Variants in PAGE2B observed in about 807,000 individuals in gnomAD.
PAGE2B encodes the protein PAGE family member 2B, also known as putative G antigen family E member 3.
A neutral mutation model predicts 7.6 loss-of-function variants in PAGE2B; 5 were observed. The ratio of observed to expected loss-of-function variants is 0.66; its 90% CI spans 0.34 to 1.38. PAGE2B has a LOEUF of 1.38. PAGE2B is among the 40% of genes most tolerant of loss of function. The probability of loss-of-function intolerance (pLI) is 0.04; values close to 1 mark genes in which losing one functional copy is unlikely to be tolerated. For synonymous variants in PAGE2B, 29 were observed against 26.7 expected, an observed-to-expected ratio of 1.09 and a Z score of -0.27; for missense variants, 70 against 78.4, an observed-to-expected ratio of 0.89 and a Z score of 0.41.
At chrX:55,060,961 T>C in the PAGE2B span, among the ~76,000 whole-genome samples, 1 of 110,902 alleles carries the variant, frequency 9.0e-6, no homozygotes, top group African/African-American at 3.3e-5. Context: ...ACAAGGAAAC[T>C]CAGACAGAAA....
the PAGE2B span, among the ~76,000 whole-genome samples, chrX:55,037,861 T>C: frequency 1.2e-5 from 1 of 84,102 alleles, no homozygotes; most frequent in Middle Eastern, 7.6e-3. Context: ...TGAGAACACA[T>C]GGACACAGGA....
chrX:55,042,536 C>T, the PAGE2B span, among the ~76,000 whole-genome samples: 9 of 103,971 alleles, frequency 8.7e-5, no homozygotes, highest in Non-Finnish European at 1.6e-4. Flanking sequence ...CGCCTGTAGT[C>T]CCAGCTACTT....
At chrX:55,044,289 C>T in the PAGE2B span, among the ~76,000 whole-genome samples, 3 of 111,543 alleles carry the variant, frequency 2.7e-5, no homozygotes, top group Non-Finnish European at 5.6e-5. Context: ...GAATACTACT[C>T]AGCCATAAAA....
the PAGE2B span, chrX:55,055,550 A>G: frequency 2.7e-5 from 3 of 112,516 alleles, no homozygotes; most frequent in Non-Finnish European, 3.8e-5. Flanking sequence ...TCTTCTTTGC[A>G]TTCTTTGTCA....
chrX:55,047,825 T>A, the PAGE2B span, among the ~76,000 whole-genome samples: 7 of 112,275 alleles, frequency 6.2e-5, no homozygotes, highest in Non-Finnish European at 1.1e-4. Flanking sequence ...TTGAATTAGA[T>A]CCCATTTGTC....
At chrX:55,040,405 C>G in the PAGE2B span, among the ~76,000 whole-genome samples, 1 of 110,601 alleles carries the variant, frequency 9.0e-6, no homozygotes, top group Admixed American at 9.7e-5. Context: ...GTTTTCTGTC[C>G]TTGTGATAGT....
chrX:55,076,390 A>G (rs113689791), intron 2 of PAGE2B, among the ~76,000 whole-genome samples, 179 bp from the exon 3 acceptor site: 1 of 103,714 alleles, frequency 9.6e-6, no homozygotes, highest in Non-Finnish European at 1.9e-5. Context: ...ATGTATGTAT[A>G]TATGTATGTG....
chrX:55,035,768 C>G, the PAGE2B span, among the ~76,000 whole-genome samples: 1 of 112,047 alleles, frequency 8.9e-6, no homozygotes, highest in East Asian at 2.8e-4. Context: ...ATAATATCTA[C>G]TTTATAGTGT....
the PAGE2B span, among the ~76,000 whole-genome samples, chrX:55,062,167 C>A: frequency 9.0e-6 from 1 of 111,416 alleles, no homozygotes; most frequent in Non-Finnish European, 1.9e-5. Flanking sequence ...TCTTGAGGAA[C>A]CTCCAAACTG....
chrX:55,048,241 A>C, the PAGE2B span, among the ~76,000 whole-genome samples: 9 of 111,489 alleles, frequency 8.1e-5, no homozygotes, highest in African/African-American at 3.0e-4. Flanking sequence ...GTTTGAAGTC[A>C]GGTAGCGTGA....
At chrX:55,034,728 A>G in the PAGE2B span, among the ~76,000 whole-genome samples, 1 of 106,813 alleles carries the variant, frequency 9.4e-6, no homozygotes, top group Non-Finnish European at 1.9e-5. Flanking sequence ...GACAGAACTA[A>G]TAGGAGACAC....
At chrX:55,036,165 T>C in the PAGE2B span, among the ~76,000 whole-genome samples, 1 of 112,388 alleles carries the variant, frequency 8.9e-6, no homozygotes, top group African/African-American at 3.2e-5. Flanking sequence ...TCTGAGACTT[T>C]GCTGAAGTTG....
Position 55,075,484 on chromosome X carries a change from C to T in PAGE2B, c.-9+370C>T, listed in dbSNP as rs3813925. Among the ~76,000 whole-genome samples the T allele has an allele frequency of 3.0e-3, 334 of 111,001 alleles. 7 individuals carry two copies. In the East Asian group the frequency reaches 0.068, roughly 22 times the overall value. On this transcript the variant is annotated intron_variant, in intron 1 of 4. Coordinates refer to ENST00000374971, the MANE Select transcript of PAGE2B (RefSeq NM_001015038.3). ...ACCATGTGGTCAGTAAGGAAGGGGC[C>T]TGGGAACTGGGAACGCTGTGGGCCG...
chrX:55,059,887 T>G, the PAGE2B span, among the ~76,000 whole-genome samples: 1 of 111,652 alleles, frequency 9.0e-6, no homozygotes, highest in Non-Finnish European at 1.9e-5. Context: ...TTTCTGTGTC[T>G]GGTTTACTTC....
the PAGE2B span, among the ~76,000 whole-genome samples, chrX:55,029,326 G>A: frequency 9.0e-6 from 1 of 111,442 alleles, no homozygotes; most frequent in African/African-American, 3.3e-5. Flanking sequence ...GCCTAGTTCT[G>A]ATAGTCAAAC....
At chrX:55,046,046 G>A in the PAGE2B span, among the ~76,000 whole-genome samples, 1 of 111,320 alleles carries the variant, frequency 9.0e-6, no homozygotes, top group African/African-American at 3.3e-5. Context: ...TCACAAGAGA[G>A]CAACTTAAGG....
the PAGE2B span, among the ~76,000 whole-genome samples, chrX:55,033,356 A>G: frequency 9.0e-6 from 1 of 111,218 alleles, no homozygotes; most frequent in South Asian, 3.8e-4. Context: ...TCTCTGTACT[A>G]TTCCTGGTCC....
the PAGE2B span, among the ~76,000 whole-genome samples, chrX:55,037,750 A>G: frequency 9.1e-6 from 1 of 109,910 alleles, no homozygotes; most frequent in Admixed American, 9.8e-5. Flanking sequence ...ATTTCTTTGT[A>G]GGGACATGGA....
At chrX:55,061,788 A>G in the PAGE2B span, among the ~76,000 whole-genome samples, 1 of 111,172 alleles carries the variant, frequency 9.0e-6, no homozygotes, top group Admixed American at 9.6e-5. Flanking sequence ...CTTCTACTCT[A>G]TCTCCATGAG....
Sources: gnomAD v4.1 joint callset for allele counts (sites outside exome capture counted in the v4.1 genomes callset) on GRCh38, gnomAD v4.1.1 for gene constraint, MANE v1.5 for transcripts, NCBI Gene and HGNC (gene_info 2026-07-23, HGNC 2026-07-21) for gene names.